Variants in SLC8A2 observed in about 807,000 individuals in gnomAD.
The protein encoded by SLC8A2 is sodium/calcium exchanger 2.
Under a neutral mutation model 70.2 loss-of-function variants are expected in SLC8A2, and 14 were observed. That is an observed-to-expected ratio of 0.20 (90% CI 0.13 to 0.31). The LOEUF is 0.31. SLC8A2 is among the 10% of genes least tolerant of loss of function. SLC8A2 has a pLI of 1.00. For synonymous variants in SLC8A2, 575 were observed against 594.3 expected (o/e 0.97, Z 0.47); for missense variants, 779 against 1,320.1 (o/e 0.59, Z 6.35).
At chr19:47,445,056 A>C in intron 4 of SLC8A2, among the ~76,000 whole-genome samples, 1 of 116,360 alleles carries the variant, frequency 8.6e-6, no homozygotes, top group Non-Finnish European at 1.6e-5. Context: ...TTCAATATCC[A>C]CCTCTCTCCC....
intron 2 of SLC8A2, among the ~76,000 whole-genome samples, chr19:47,458,376 CCA>C (rs1390218834): frequency 6.7e-6 from 1 of 150,368 alleles, no homozygotes; most frequent in Non-Finnish European, 1.5e-5. Flanking sequence ...CCGTCTCTCC[CCA>C]CCTCTTTCTG....
intron 4 of SLC8A2, among the ~76,000 whole-genome samples, chr19:47,445,825 T>A (rs188140114): frequency 6.6e-6 from 1 of 152,172 alleles, no homozygotes; most frequent in East Asian, 1.9e-4. Context: ...AAGAAAACTC[T>A]CCATTCCCCC....
chr19:47,457,592 C>G lies in SLC8A2; in HGVS notation c.678G>C (p.Val226=), dbSNP rs779326763. 1.9e-6 allele frequency: 3 copies of G among 1,546,012 alleles called. No individual in the cohort carries two copies. The East Asian group carries it at 7.3e-5, about 38-fold the overall frequency. Residue 226 remains valine (V), a splice_region_variant and synonymous_variant, in exon 3 of 10, where the codon GTG becomes GTC. Coordinates refer to ENST00000236877, the MANE Select transcript of SLC8A2 (RefSeq NM_015063.3). ...AGACCAGGGTCAGCAGCGCCTCCCA[C>G]ACCTGCGGGCGGCGGGCGTCAGGGC... ...LAVFSPGVVQ[V]WEALLTLVFF... is the part of the protein sequence containing the mutation.
Position 47,465,863 on chromosome 19 carries a change from T to C in SLC8A2, c.541A>G (p.Ile181Val), listed in dbSNP as rs755283007. ...FNMFVVIAVC[I>V]YVIPAGESRK... ...CTCTCGCCGGCTGGGATGACGTAGA[T>C]GCACACGGCGATGACCACAAACATG... is the stretch of plus-strand genomic sequence containing the variant. Residue 181 changes from isoleucine to valine, a missense_variant, in exon 2 of 10, where the codon ATC becomes GTC. Ile to Val is a conservative substitution (Grantham distance 29). This residue lies in a region of SLC8A2 where 155 missense variants were observed against 318.6 expected (regional missense o/e 0.49). Coordinates refer to ENST00000236877, the MANE Select transcript of SLC8A2 (RefSeq NM_015063.3). The surrounding 1 kb of genome is among the most constrained non-coding windows in gnomAD (Gnocchi z 5.5). 8.1e-6 allele frequency: 13 copies of C among 1,614,040 alleles called. No individual in the cohort carries two copies. Among genetic ancestry groups the C allele is most frequent in the Non-Finnish European group, 1.1e-5 (13 of 1,180,042 alleles).
intron 8 of SLC8A2, among the ~76,000 whole-genome samples, chr19:47,436,185 T>C (rs1042936231): frequency 2.6e-5 from 4 of 152,120 alleles, no homozygotes; most frequent in African/African-American, 4.8e-5. Flanking sequence ...CTTTACCCAT[T>C]TGAAGACTCA....
At chr19:47,435,165 C>T (rs1164396684) in intron 8 of SLC8A2, among the ~76,000 whole-genome samples, 1 of 151,696 alleles carries the variant, frequency 6.6e-6, no homozygotes, top group East Asian at 1.9e-4. Context: ...CTGCAGTGAG[C>T]CGAGATCACA....
chr19:47,446,783 TC>T (rs1967167908), intron 4 of SLC8A2, among the ~76,000 whole-genome samples: 1 of 152,134 alleles, frequency 6.6e-6, no homozygotes, highest in Admixed American at 6.5e-5. Context: ...CAAATGATCC[TC>T]CTGCTTCGTC....
chr19:47,457,667 T>G, intron 2 of SLC8A2, 73 bp from the exon 3 acceptor site: 10 of 1,004,878 alleles, frequency 1.0e-5, no homozygotes, highest in African/African-American at 1.7e-5. Flanking sequence ...TCTCAGTCTC[T>G]GTCCGCCTCT....
In SLC8A2 at chr19:47,456,793, A is replaced by G. The variant is rs565446646; in HGVS notation, c.1340+137T>C. On this transcript the variant is annotated intron_variant, in intron 3 of 9. Coordinates refer to ENST00000236877, the MANE Select transcript of SLC8A2 (RefSeq NM_015063.3). ...AGCGCCTGGCACAAAGCAGGCTCTC[A>G]GGAATGAATGAATGAACAAATGAAC... 369 of 929,694 alleles carry G rather than the reference A, an allele frequency of 4.0e-4. 5 individuals are homozygous for G. The highest frequency in any genetic ancestry group is 3.7e-3 in the Middle Eastern group (11 of 3,006). 57.6% of individuals were successfully genotyped at this position (929,694 alleles called of 1,614,324 possible).
rs780488803 is a variant in SLC8A2, at chr19:47,447,211, T to C, written c.1763+598A>G. Among the ~76,000 whole-genome samples, 17 of 151,610 alleles carry C rather than the reference T, an allele frequency of 1.1e-4. No individual in the cohort carries two copies. Among genetic ancestry groups the C allele is most frequent in the Non-Finnish European group, 2.2e-4 (15 of 67,924 alleles). ...CCACATCCATTTTCCCATTTCCTGA[T>C]GTCGTATGTCCAAACCCAGACCCCA... On this transcript the variant is annotated intron_variant, in intron 4 of 9. Transcript: ENST00000236877. This position sits in a 1 kb window ranked among gnomAD's most constrained non-coding sequence, Gnocchi z 5.1.
At chr19:47,443,047 A>G (rs533734121) in intron 4 of SLC8A2, among the ~76,000 whole-genome samples, 81 of 152,148 alleles carry the variant, frequency 5.3e-4, no homozygotes, top group African/African-American at 1.7e-3. Flanking sequence ...TTCGTCATTT[A>G]CCATTTGCTT....
At chr19:47,461,197 A>G (rs1967390748) in intron 2 of SLC8A2, among the ~76,000 whole-genome samples, 1 of 151,096 alleles carries the variant, frequency 6.6e-6, no homozygotes, top group African/African-American at 2.4e-5. Context: ...TCAAAAAAAA[A>G]AGAGTATTTA....
chr19:47,445,861 G>C (rs192904470), intron 4 of SLC8A2, among the ~76,000 whole-genome samples: 49 of 152,312 alleles, frequency 3.2e-4, no homozygotes, highest in African/African-American at 1.1e-3. Flanking sequence ...AGAGGGGTCT[G>C]GGATGGTGCC....
chr19:47,457,716 C>G, intron 2 of SLC8A2, 122 bp from the exon 3 acceptor site: 1 of 540,250 alleles, frequency 1.9e-6, no homozygotes, highest in South Asian at 2.8e-5. Context: ...CAACCCCGCC[C>G]CGTCGTCTCT....
chr19:47,441,334 CA>C lies in SLC8A2; in HGVS notation c.1867+2del. Reference sequence around the variant, plus strand: ...CTCCCACAGCCCACTGGTCACCCCTCACCTGAAATCCCTCGCTTAAGCCACT... The same window carrying C: ...CTCCCACAGCCCACTGGTCACCCCTCCCTGAAATCCCTCGCTTAAGCCACT... On this transcript the variant is annotated splice_donor_variant, in intron 5 of 9. Transcript: ENST00000236877. LOFTEE classifies it high-confidence loss of function. 6.2e-7 allele frequency: 1 copy of C among 1,609,666 alleles called. No homozygotes were observed. The highest frequency in any genetic ancestry group is 8.5e-7 in the Non-Finnish European group (1 of 1,175,918).
At chr19:47,467,686 C>T (rs1325480195) in intron 1 of SLC8A2, among the ~76,000 whole-genome samples, 1 of 151,992 alleles carries the variant, frequency 6.6e-6, no homozygotes, top group Non-Finnish European at 1.5e-5. Flanking sequence ...CGTGTCTTAT[C>T]TGGGTTTCCT....
In SLC8A2 at chr19:47,430,552, C is replaced by G. The variant is rs1338322815; in HGVS notation, c.2390-87G>C. 1 of 1,393,478 alleles carries G rather than the reference C, an allele frequency of 7.2e-7. No homozygotes were observed. Among genetic ancestry groups the G allele is most frequent in the African/African-American group, 1.4e-5 (1 of 69,092 alleles). The allele number at this position is 1,393,478 out of a possible 1,614,324, so 86.3% of individuals were successfully genotyped here. ...CCGCCTGCCCCCTCCCAGCCTTTCC[C>G]GGTCGCCTGCTTTCTGCGGGCAGTG... On this transcript the variant is annotated intron_variant, in intron 9 of 9. Transcript: ENST00000236877. This position sits in a 1 kb window ranked among gnomAD's most constrained non-coding sequence, Gnocchi z 5.9.
intron 2 of SLC8A2, among the ~76,000 whole-genome samples, chr19:47,464,905 C>T (rs114886797): frequency 1.9e-3 from 293 of 152,142 alleles, no homozygotes; most frequent in African/African-American, 6.5e-3. Context: ...ATGGGGTGAG[C>T]GAAAGGCTAA....
chr19:47,433,186 T>C (rs545375428), intron 8 of SLC8A2, among the ~76,000 whole-genome samples: 14 of 152,284 alleles, frequency 9.2e-5, no homozygotes, highest in African/African-American at 3.4e-4. Context: ...CCCAGAAGCC[T>C]TCACAGCTGC....
Sources: allele counts gnomAD v4.1 joint callset (sites outside exome capture counted in the v4.1 genomes callset), GRCh38; gene constraint gnomAD v4.1.1; regional missense constraint gnomAD v4.1.1; non-coding constraint Gnocchi (gnomAD v3.1); transcripts MANE v1.5; gene names NCBI Gene and HGNC (gene_info 2026-07-23, HGNC 2026-07-21).